The following SLC4A10 variants were observed in gnomAD, a reference collection of about 807,000 sequenced individuals.
SLC4A10 encodes the protein sodium-driven chloride bicarbonate exchanger.
A neutral mutation model predicts 137.7 loss-of-function variants in SLC4A10; 42 were observed. The observed-to-expected ratio is 0.30, with a 90% CI of 0.24 to 0.39. SLC4A10 has a LOEUF of 0.39. Ranked by LOEUF, SLC4A10 falls within the 10% of genes least tolerant of loss-of-function variation. SLC4A10 has a pLI of 1.00. For missense variants in SLC4A10, 925 were observed against 1,355.0 expected (o/e 0.68, Z 4.98); for synonymous variants, 474 against 464.1 (o/e 1.02, Z -0.27).
chr2:161,767,151 G>A (rs1268167819), intron 1 of SLC4A10, among the ~76,000 whole-genome samples: 17 of 111,842 alleles, frequency 1.5e-4, no homozygotes, highest in African/African-American at 5.5e-4. Flanking sequence ...GTGTGTGTGT[G>A]TGTGTGTGTG....
chr2:161,625,863 A>G (rs942150338), intron 1 of SLC4A10, among the ~76,000 whole-genome samples: 1 of 152,114 alleles, frequency 6.6e-6, no homozygotes, highest in South Asian at 2.1e-4. Context: ...AACAGAGGAC[A>G]GGGGCAGTGT....
At chr2:161,737,493 A>G (rs901138240) in intron 1 of SLC4A10, among the ~76,000 whole-genome samples, 5 of 151,450 alleles carry the variant, frequency 3.3e-5, no homozygotes, top group African/African-American at 9.7e-5. Flanking sequence ...TTAATTAATC[A>G]CTTGAGATTT....
At chr2:161,625,862 C>T (rs185541103) in intron 1 of SLC4A10, among the ~76,000 whole-genome samples, 79 of 151,730 alleles carry the variant, frequency 5.2e-4, no homozygotes, top group African/African-American at 1.8e-3. Context: ...CAACAGAGGA[C>T]AGGGGCAGTG....
intron 4 of SLC4A10, among the ~76,000 whole-genome samples, chr2:161,840,810 G>C (rs2059133276): frequency 6.6e-6 from 1 of 152,180 alleles, no homozygotes; most frequent in Admixed American, 6.5e-5. Context: ...TTAAAATGTA[G>C]ACTTAGTAGG....
chr2:161,739,654 C>T (rs1362655570), intron 1 of SLC4A10, among the ~76,000 whole-genome samples: 1 of 152,162 alleles, frequency 6.6e-6, no homozygotes, highest in Non-Finnish European at 1.5e-5. Context: ...TCTCACCTAC[C>T]AACTGTGTTT....
At chr2:161,926,396 T>G (rs1360049180) in intron 15 of SLC4A10, among the ~76,000 whole-genome samples, 35 of 108,014 alleles carry the variant, frequency 3.2e-4, no homozygotes, top group African/African-American at 1.1e-3. Flanking sequence ...GTTTTTTTTT[T>G]TTTTTTTTTT....
chr2:161,641,105 T>A (rs2035261738), intron 1 of SLC4A10, among the ~76,000 whole-genome samples: 1 of 152,186 alleles, frequency 6.6e-6, no homozygotes, highest in African/African-American at 2.4e-5. Flanking sequence ...ACATTTTTTT[T>A]TAATTTTTAA....
At chr2:161,705,187 G>A (rs929442037) in intron 1 of SLC4A10, among the ~76,000 whole-genome samples, 1 of 151,248 alleles carries the variant, frequency 6.6e-6, no homozygotes, top group African/African-American at 2.4e-5. Context: ...ACTAAGATAT[G>A]GTATATTTAT....
chr2:161,662,974 G>A (rs898923857), intron 1 of SLC4A10, among the ~76,000 whole-genome samples: 1 of 152,128 alleles, frequency 6.6e-6, no homozygotes, highest in African/African-American at 2.4e-5. Flanking sequence ...CGTGGACCTG[G>A]CAGTTTTGGT....
intron 10 of SLC4A10, among the ~76,000 whole-genome samples, chr2:161,893,871 A>G (rs568253259): frequency 6.6e-6 from 1 of 152,078 alleles, no homozygotes; most frequent in African/African-American, 2.4e-5. Flanking sequence ...TCAACTTTCA[A>G]TGGGGGATTA....
chr2:161,979,605 A>G (rs1201518315), intron 26 of SLC4A10, among the ~76,000 whole-genome samples: 1 of 152,220 alleles, frequency 6.6e-6, no homozygotes. Flanking sequence ...TATGACTTAC[A>G]GAATTCTAAA....
At chr2:161,934,626 C>T (rs4664441) in intron 15 of SLC4A10, among the ~76,000 whole-genome samples, 151,734 of 152,312 alleles carry the variant, frequency 1, 75,580 homozygotes, top group East Asian at 1. Flanking sequence ...TTCATCTTTT[C>T]GATAATAACC....
intron 2 of SLC4A10, among the ~76,000 whole-genome samples, chr2:161,778,266 T>G (rs2052611784): frequency 1.3e-5 from 2 of 151,946 alleles, no homozygotes; most frequent in African/African-American, 4.8e-5. Flanking sequence ...CATCCATTAG[T>G]GCTACCTTCT....
chr2:161,885,212 AAAAG>A (rs1017304232), intron 10 of SLC4A10, among the ~76,000 whole-genome samples: 2 of 152,224 alleles, frequency 1.3e-5, no homozygotes, highest in Middle Eastern at 3.4e-3. Context: ...ATAAGAAAGA[AAAAG>A]AAAAAAGAAA....
intron 1 of SLC4A10, among the ~76,000 whole-genome samples, chr2:161,762,090 T>G (rs557051648): frequency 5.1e-4 from 77 of 152,220 alleles, no homozygotes; most frequent in African/African-American, 1.8e-3. Flanking sequence ...AATTAGATAC[T>G]TTAGAAAGGG....
At chr2:161,877,240 C>A (rs1182612270) in intron 8 of SLC4A10, among the ~76,000 whole-genome samples, 3 of 151,946 alleles carry the variant, frequency 2.0e-5, no homozygotes, top group Admixed American at 6.6e-5. Context: ...ATAGAATTTT[C>A]AAGGTGGAAT....
At chr2:161,983,136 G>A in intron 26 of SLC4A10, 43 bp from the exon 27 acceptor site, 1 of 1,515,934 alleles carries the variant, frequency 6.6e-7, no homozygotes, top group Non-Finnish European at 8.9e-7. Flanking sequence ...TAGTAGCCAT[G>A]CTGGATTGCA....
At chr2:161,912,232 C>G (rs925046265) in intron 15 of SLC4A10, among the ~76,000 whole-genome samples, 2 of 152,144 alleles carry the variant, frequency 1.3e-5, no homozygotes, top group African/African-American at 4.8e-5. Context: ...TTATCTTTCA[C>G]ACTTTCTTGT....
At chr2:161,783,743 G>GT (rs1465838006) in intron 2 of SLC4A10, among the ~76,000 whole-genome samples, 3 of 151,284 alleles carry the variant, frequency 2.0e-5, no homozygotes, top group African/African-American at 7.3e-5. Context: ...AAACCCCATG[G>GT]TATCTAATGA....
Sources: gnomAD v4.1 joint callset for allele counts (sites outside exome capture counted in the v4.1 genomes callset) on GRCh38, gnomAD v4.1.1 for gene constraint, MANE v1.5 for transcripts, NCBI Gene and HGNC (gene_info 2026-07-23, HGNC 2026-07-21) for gene names.